The following XIRP2 variants were observed in gnomAD, a reference collection of about 807,000 sequenced individuals.
The protein encoded by XIRP2 is xin actin-binding repeat-containing protein 2.
In XIRP2, 236 loss-of-function variants were observed where a neutral mutation model predicts 277.0. The observed-to-expected ratio is 0.85, with a 90% confidence interval of 0.77 to 0.95. The LOEUF is 0.95. Ranked by LOEUF, XIRP2 falls within the 40% of genes least tolerant of loss-of-function variation. XIRP2 has a pLI of 0.00. For synonymous variants in XIRP2, 1,490 were observed against 1,416.5 expected (o/e 1.05, Z -1.17); for missense variants, 4,640 against 4,157.5 (o/e 1.12, Z -3.19).
chr2:167,036,664 G>A (rs1389164493), intron 2 of XIRP2, among the ~76,000 whole-genome samples: 1 of 152,160 alleles, frequency 6.6e-6, no homozygotes, highest in Non-Finnish European at 1.5e-5. Flanking sequence ...CTTCGGGGGA[G>A]TGTTGGGAAA....
At chr2:167,143,795 A>G (rs1048421745) in intron 3 of XIRP2, among the ~76,000 whole-genome samples, 5 of 152,120 alleles carry the variant, frequency 3.3e-5, no homozygotes. Context: ...TAAAAAAAAA[A>G]CCACAATATT....
intron 2 of XIRP2, among the ~76,000 whole-genome samples, chr2:166,942,930 G>A (rs1242067033): frequency 6.6e-6 from 1 of 151,996 alleles, no homozygotes. Flanking sequence ...ATCTCTTGTT[G>A]TTAGTAATGA....
chr2:166,994,650 G>A (rs986199954), intron 2 of XIRP2, among the ~76,000 whole-genome samples: 2 of 132,478 alleles, frequency 1.5e-5, no homozygotes, highest in Non-Finnish European at 3.2e-5. Flanking sequence ...CAATTGCAGT[G>A]TAATGTCAAA....
intron 2 of XIRP2, among the ~76,000 whole-genome samples, chr2:167,031,571 A>T (rs988692955): frequency 6.6e-6 from 1 of 152,142 alleles, no homozygotes; most frequent in African/African-American, 2.4e-5. Context: ...GTCCCAGCAC[A>T]AAAACTCCTT....
At chr2:167,236,352 T>C (rs969598897) in intron 5 of XIRP2, among the ~76,000 whole-genome samples, 4 of 152,002 alleles carry the variant, frequency 2.6e-5, no homozygotes, top group Non-Finnish European at 5.9e-5. Context: ...GATATAAGAA[T>C]GAAAAGTTGA....
intron 2 of XIRP2, among the ~76,000 whole-genome samples, chr2:167,027,683 T>C (rs565664917): frequency 4.1e-4 from 62 of 152,254 alleles, no homozygotes; most frequent in Middle Eastern, 3.4e-3. Flanking sequence ...GATGGGTTTT[T>C]GGTGTGGATG....
intron 2 of XIRP2, among the ~76,000 whole-genome samples, chr2:167,091,582 A>G (rs955668456): frequency 1.3e-5 from 2 of 151,750 alleles, no homozygotes; most frequent in Non-Finnish European, 2.9e-5. Flanking sequence ...TTTTCTTCTT[A>G]TTTTCTTGAA....
intron 2 of XIRP2, among the ~76,000 whole-genome samples, chr2:166,972,291 A>G: frequency 6.6e-6 from 1 of 152,090 alleles, no homozygotes; most frequent in Non-Finnish European, 1.5e-5. Flanking sequence ...TTAGCCACCC[A>G]GGGTTTTTTT....
intron 2 of XIRP2, among the ~76,000 whole-genome samples, chr2:166,913,484 C>T (rs906930362): frequency 5.9e-5 from 9 of 152,144 alleles, no homozygotes; most frequent in South Asian, 2.1e-4. Context: ...GTGTCGCTCA[C>T]GCTGGGAGCT....
chr2:167,096,790 A>G (rs1484834918), intron 2 of XIRP2, among the ~76,000 whole-genome samples: 1 of 151,914 alleles, frequency 6.6e-6, no homozygotes, highest in Non-Finnish European at 1.5e-5. Context: ...TTCTGCCTTA[A>G]TTTTTTTATT....
intron 2 of XIRP2, among the ~76,000 whole-genome samples, chr2:166,976,922 T>C (rs1431159953): frequency 1.3e-5 from 2 of 152,200 alleles, no homozygotes; most frequent in East Asian, 1.9e-4. Context: ...ATTATCTCAA[T>C]GTTCATTTAC....
Position 167,210,870 on chromosome 2 carries a change from G to T in XIRP2, c.698G>T (p.Gly233Val), listed in dbSNP as rs1370263244. 1.2e-6 allele frequency: 2 copies of T among 1,614,006 alleles called. No homozygotes were observed. The highest frequency in any genetic ancestry group is 2.2e-5 in the East Asian group (1 of 44,864). The change falls in exon 4 of 11, where the codon GGT (glycine) becomes GTT (valine). Residue 233 changes from glycine to valine, a missense_variant. Physicochemically the swap from Gly to Val is moderately radical, Grantham distance 109. Transcript: ENST00000409195. ...AGGTACCAGGCAGCTGTTTCCAGGG[G>T]TGACTGCCGCAGCTTCTCTGCTAAT... ...MARYQAAVSR[G>V]DCRSFSANMM...
In XIRP2 at chr2:167,251,269, G is replaced by T. The variant is rs775677946; in HGVS notation, c.9877G>T (p.Val3293Phe). 1.9e-6 allele frequency: 3 copies of T among 1,613,578 alleles called. No homozygotes were observed. The highest frequency in any genetic ancestry group is 2.5e-6 in the Non-Finnish European group (3 of 1,179,680). ...GCCCGACACTGAAAGTTATGATGCAGTTGAAATCATCCGCAAGGTTGCAGT... is the reference window on the plus strand; with the variant it reads ...GCCCGACACTGAAAGTTATGATGCATTTGAAATCATCCGCAAGGTTGCAGT... The part of the protein sequence containing the change: ...MVPDTESYDA[V>F]EIIRKVAVPP... The change falls in exon 9 of 11, where the codon GTT becomes TTT. Residue 3293 changes from valine (V) to phenylalanine (F), a missense_variant. Physicochemically the swap from Val to Phe is conservative, Grantham distance 50. Coordinates refer to ENST00000409195, the MANE Select transcript of XIRP2 (RefSeq NM_152381.6).
chr2:167,082,023 G>A (rs1689751407), intron 2 of XIRP2, among the ~76,000 whole-genome samples: 1 of 151,116 alleles, frequency 6.6e-6, no homozygotes, highest in Non-Finnish European at 1.5e-5. Flanking sequence ...GCATACATGT[G>A]CCATGCTGGT....
intron 2 of XIRP2, among the ~76,000 whole-genome samples, chr2:167,114,864 T>A (rs887412249): frequency 3.9e-5 from 6 of 152,188 alleles, no homozygotes; most frequent in Admixed American, 2.0e-4. Flanking sequence ...TTTGGGTTGG[T>A]TCCAAGTCTT....
intron 3 of XIRP2, among the ~76,000 whole-genome samples, chr2:167,162,026 C>G (rs1692383799): frequency 6.6e-6 from 1 of 152,160 alleles, no homozygotes; most frequent in East Asian, 1.9e-4. Flanking sequence ...GCTCCAGTCT[C>G]TCTGTTAAAA....
At chr2:167,116,531 G>A (rs897125446) in intron 2 of XIRP2, among the ~76,000 whole-genome samples, 2 of 152,030 alleles carry the variant, frequency 1.3e-5, no homozygotes, top group African/African-American at 2.4e-5. Context: ...ATGTTATTAT[G>A]TTTGCAGTCA....
chr2:166,919,338 A>G (rs1210282020), intron 2 of XIRP2, among the ~76,000 whole-genome samples: 1 of 152,172 alleles, frequency 6.6e-6, no homozygotes, highest in African/African-American at 2.4e-5. Context: ...CAACTACCAA[A>G]TATGATGATT....
At chr2:167,161,778 A>C (rs1440305288) in intron 3 of XIRP2, among the ~76,000 whole-genome samples, 1 of 152,180 alleles carries the variant, frequency 6.6e-6, no homozygotes, top group Non-Finnish European at 1.5e-5. Flanking sequence ...TTACTTATGC[A>C]AATTTCTGCT....
Sources: gnomAD v4.1 joint callset for allele counts (sites outside exome capture counted in the v4.1 genomes callset) on GRCh38, gnomAD v4.1.1 for gene constraint, MANE v1.5 for transcripts, NCBI Gene and HGNC (gene_info 2026-07-23, HGNC 2026-07-21) for gene names.